ZNF883: variants seen among roughly 807,000 people sequenced by gnomAD.
ZNF883 encodes the protein zinc finger protein 883.
downstream of ZNF883, among the ~76,000 whole-genome samples, chr9:112,994,117 G>A (rs556248280): frequency 6.6e-6 from 1 of 152,320 alleles, no homozygotes; most frequent in African/African-American, 2.4e-5. Context: ...TACACACCAA[G>A]GCCCTGGTGT....
downstream of ZNF883, among the ~76,000 whole-genome samples, chr9:112,996,494 CA>C (rs1291329451): frequency 3.9e-5 from 6 of 152,002 alleles, no homozygotes; most frequent in Non-Finnish European, 7.4e-5. Context: ...CTGTGTAATT[CA>C]AAAGGTTTTT....
At chr9:112,991,542 G>A (rs191466956) in intron 1 of ZNF883, among the ~76,000 whole-genome samples, 4 of 152,156 alleles carry the variant, frequency 2.6e-5, no homozygotes, top group African/African-American at 7.2e-5. Flanking sequence ...TTGCGGCACC[G>A]AGAAGAATGT....
At chr9:112,989,092 G>A (rs1232363800) in intron 1 of ZNF883, among the ~76,000 whole-genome samples, 3 of 152,124 alleles carry the variant, frequency 2.0e-5, no homozygotes, top group African/African-American at 7.2e-5. Flanking sequence ...TGTTCACTCT[G>A]ATGATAGTTT....
chr9:112,995,648 T>TA (rs1047163438), downstream of ZNF883, among the ~76,000 whole-genome samples: 1 of 152,030 alleles, frequency 6.6e-6, no homozygotes, highest in African/African-American at 2.4e-5. Context: ...TTTCTAACTT[T>TA]AAAAAAAGTC....
exon 1 of ZNF883, chr9:112,997,592 G>A (rs1293774717): frequency 6.2e-7 from 1 of 1,614,046 alleles, no homozygotes; most frequent in African/African-American, 1.3e-5. Context: ...TTGAATGAAG[G>A]CTGGGGTATG....
chr9:113,009,969 A>C (rs1828516482), intron 2 of ZNF883, among the ~76,000 whole-genome samples: 1 of 152,204 alleles, frequency 6.6e-6, no homozygotes, highest in African/African-American at 2.4e-5. Context: ...GAATTAGTAC[A>C]TTTTTGAATT....
downstream of ZNF883, among the ~76,000 whole-genome samples, chr9:112,996,474 C>CCT (rs1385747325): frequency 6.6e-6 from 1 of 152,110 alleles, no homozygotes; most frequent in Non-Finnish European, 1.5e-5. Context: ...ATTTTCCTTA[C>CCT]CTAAGATTTC....
intron 2 of ZNF883, among the ~76,000 whole-genome samples, chr9:113,006,637 CATT>C (rs1020735212): frequency 6.6e-6 from 1 of 152,114 alleles, no homozygotes; most frequent in Admixed American, 6.5e-5. Flanking sequence ...GGATTCAAGT[CATT>C]AGTGTTTTTC....
At chr9:112,995,578 TTC>T (rs1828344144), downstream of ZNF883, among the ~76,000 whole-genome samples, 1 of 151,894 alleles carries the variant, frequency 6.6e-6, no homozygotes. Flanking sequence ...TCTCTCTTTC[TTC>T]TCTCTCTGGA....
downstream of ZNF883, among the ~76,000 whole-genome samples, chr9:112,992,617 G>T (rs554997054): frequency 2.0e-5 from 3 of 152,148 alleles, no homozygotes; most frequent in Admixed American, 6.5e-5. Flanking sequence ...GAATAAGAAC[G>T]TTGGCTTGTC....
intron 1 of ZNF883, among the ~76,000 whole-genome samples, chr9:112,988,998 G>T (rs1828278268): frequency 6.6e-6 from 1 of 151,900 alleles, no homozygotes. Context: ...TTGTAAATTT[G>T]TTTAGGTTCC....
At chr9:112,990,184 G>C (rs953752348) in intron 1 of ZNF883, among the ~76,000 whole-genome samples, 1 of 152,132 alleles carries the variant, frequency 6.6e-6, no homozygotes, top group African/African-American at 2.4e-5. Context: ...GGACATCCTT[G>C]TCTTGTGCTG....
At chr9:112,991,908 C>T (rs1828307118) in intron 1 of ZNF883, among the ~76,000 whole-genome samples, 2 of 152,124 alleles carry the variant, frequency 1.3e-5, no homozygotes, top group African/African-American at 4.8e-5. Flanking sequence ...GCAACCTCTG[C>T]TTTTTTCTGC....
upstream of ZNF883, among the ~76,000 whole-genome samples, chr9:113,002,541 A>G (rs1299501052): frequency 1.3e-5 from 2 of 152,330 alleles, no homozygotes; most frequent in African/African-American, 2.4e-5. Flanking sequence ...AAAACTGGCT[A>G]TGGGGATGTG....
At chr9:113,005,057 G>A (rs1198048203) in intron 2 of ZNF883, among the ~76,000 whole-genome samples, 2 of 151,926 alleles carry the variant, frequency 1.3e-5, no homozygotes, top group African/African-American at 2.4e-5. Flanking sequence ...ATAATTATAG[G>A]TGAATTAAAA....
downstream of ZNF883, among the ~76,000 whole-genome samples, chr9:112,992,719 G>A (rs911909517): frequency 2.0e-5 from 3 of 152,074 alleles, no homozygotes; most frequent in Non-Finnish European, 4.4e-5. Flanking sequence ...ATCAGTTATA[G>A]GTTCAGTCTT....
downstream of ZNF883, among the ~76,000 whole-genome samples, chr9:112,995,471 CT>C (rs1828342076): frequency 2.0e-5 from 3 of 151,796 alleles, no homozygotes; most frequent in African/African-American, 7.3e-5. Context: ...TTCCCTCTCT[CT>C]CCCTTCCTCC....
chr9:113,003,083 T>C (rs1218699235), upstream of ZNF883, among the ~76,000 whole-genome samples: 2 of 152,192 alleles, frequency 1.3e-5, no homozygotes, highest in African/African-American at 4.8e-5. Flanking sequence ...CTAAGACACC[T>C]TGTGATATGA....
intron 2 of ZNF883, among the ~76,000 whole-genome samples, chr9:113,009,320 G>A (rs10981595): frequency 0.47 from 71,233 of 151,888 alleles, 17,845 homozygotes; most frequent in African/African-American, 0.66. Context: ...TGGTCTGCAC[G>A]CCTTACCTCT....
Sources: allele counts gnomAD v4.1 joint callset (sites outside exome capture counted in the v4.1 genomes callset), GRCh38; gene constraint gnomAD v4.1.1; transcripts MANE v1.5; gene names NCBI Gene and HGNC (gene_info 2026-07-23, HGNC 2026-07-21).